The following USP26 variants were observed in gnomAD, a reference collection of about 807,000 sequenced individuals.
The protein encoded by USP26 is ubiquitin specific peptidase 26, also known as ubiquitin carboxyl-terminal hydrolase 26.
For synonymous variants in USP26, 236 were observed against 240.6 expected, an observed-to-expected ratio of 0.98 and a Z score of 0.18; for missense variants, 649 against 642.3, an observed-to-expected ratio of 1.01 and a Z score of -0.11.
intron 5 of USP26, among the ~76,000 whole-genome samples, chrX:133,082,340 T>C (rs755568401): frequency 1.8e-5 from 2 of 111,860 alleles, no homozygotes; most frequent in African/African-American, 3.3e-5. Flanking sequence ...ATCCAACCTC[T>C]GTAACACTTC....
At chrX:133,058,840 A>C (rs1232451678) in intron 5 of USP26, among the ~76,000 whole-genome samples, 2 of 110,455 alleles carry the variant, frequency 1.8e-5, no homozygotes, top group African/African-American at 3.3e-5. Context: ...ATAGAGTCTC[A>C]CTCTGTTGCC....
At chrX:133,056,542 T>C (rs1253737318) in intron 5 of USP26, among the ~76,000 whole-genome samples, 1 of 111,928 alleles carries the variant, frequency 8.9e-6, no homozygotes, top group Non-Finnish European at 1.9e-5. Context: ...GAATTCAGCA[T>C]TTGAAATTAC....
intron 5 of USP26, among the ~76,000 whole-genome samples, chrX:133,039,302 G>C (rs2067408417): frequency 9.0e-6 from 1 of 111,595 alleles, no homozygotes; most frequent in African/African-American, 3.3e-5. Context: ...TGGGCATTTC[G>C]TGCTATAAAT....
chrX:133,027,203 T>A lies in USP26; in HGVS notation c.1018A>T (p.Met340Leu). 2 of 1,209,461 alleles carry A rather than the reference T, an allele frequency of 1.7e-6. 1 individual carries two copies. The highest frequency in any genetic ancestry group is 3.5e-5 in the South Asian group (2 of 56,901). The stretch of plus-strand genomic sequence containing the variant: ...AAAAAAAGTAGCCGTGCCAAGCACA[T>A]GGTAAGAGCATTAAGGGGAATTTTA... ...WGKIPLNALTMCLARLLFFKD... is the reference protein window; with the variant it reads ...WGKIPLNALTLCLARLLFFKD... Residue 340 changes from methionine to leucine, a missense_variant, in exon 6 of 6, where the codon ATG becomes TTG. Transcript: ENST00000511190.
intron 5 of USP26, among the ~76,000 whole-genome samples, chrX:133,048,333 T>G (rs2067447186): frequency 8.9e-6 from 1 of 111,934 alleles, no homozygotes; most frequent in Non-Finnish European, 1.9e-5. Context: ...ATGACATGCA[T>G]AGTATAATTA....
At chrX:133,041,042 G>C (rs2067417236) in intron 5 of USP26, among the ~76,000 whole-genome samples, 1 of 109,715 alleles carries the variant, frequency 9.1e-6, no homozygotes, top group African/African-American at 3.3e-5. Context: ...AGCTCCATTG[G>C]GTAATTTATG....
intron 5 of USP26, among the ~76,000 whole-genome samples, chrX:133,060,186 T>C (rs1188332234): frequency 2.7e-5 from 3 of 111,447 alleles, no homozygotes; most frequent in African/African-American, 3.3e-5. Flanking sequence ...AGCCCTCTTC[T>C]GCTGTAGCAG....
At chrX:133,039,709 G>A (rs777530724) in intron 5 of USP26, among the ~76,000 whole-genome samples, 1 of 111,585 alleles carries the variant, frequency 9.0e-6, no homozygotes, top group Admixed American at 9.5e-5. Context: ...TATTAGGTCT[G>A]CTTGGTCCAG....
At chrX:133,072,126 C>T (rs2067532567) in intron 5 of USP26, among the ~76,000 whole-genome samples, 1 of 111,987 alleles carries the variant, frequency 8.9e-6, no homozygotes, top group African/African-American at 3.2e-5. Context: ...TGGCTATGTG[C>T]AAAGGCCTAT....
intron 5 of USP26, among the ~76,000 whole-genome samples, chrX:133,076,574 C>T (rs907089246): frequency 3.6e-5 from 4 of 111,952 alleles, no homozygotes. Flanking sequence ...GTAGAAAGGA[C>T]AGGATGTTGC....
At chrX:133,091,863 A>G (rs2067609164) in intron 1 of USP26, among the ~76,000 whole-genome samples, 1 of 111,626 alleles carries the variant, frequency 9.0e-6, no homozygotes, top group African/African-American at 3.3e-5. Flanking sequence ...CATCTTTTTC[A>G]CATTACAGAA....
chrX:133,093,980 C>CAA (rs11327414), intron 1 of USP26, among the ~76,000 whole-genome samples: 6 of 24,954 alleles, frequency 2.4e-4, no homozygotes, highest in Non-Finnish European at 3.2e-4. Flanking sequence ...GACCCTGTCT[C>CAA]AAAAAAAAAA....
chrX:133,035,747 A>G (rs1339392528), intron 5 of USP26, among the ~76,000 whole-genome samples: 2 of 112,254 alleles, frequency 1.8e-5, no homozygotes, highest in Non-Finnish European at 3.8e-5. Flanking sequence ...CCTTTTAAGC[A>G]AATATCCACA....
At chrX:133,030,147 C>A (rs1004203440) in intron 5 of USP26, among the ~76,000 whole-genome samples, 2 of 111,770 alleles carry the variant, frequency 1.8e-5, no homozygotes, top group Non-Finnish European at 3.8e-5. Flanking sequence ...TAGATGACAG[C>A]TGCATTCAAA....
At chrX:133,088,106 A>G (rs1304100085) in intron 4 of USP26, among the ~76,000 whole-genome samples, 1 of 111,577 alleles carries the variant, frequency 9.0e-6, no homozygotes, top group African/African-American at 3.3e-5. Context: ...GGAGTTCAAG[A>G]CTGCAGTGAA....
Position 133,027,583 on chromosome X carries a change from C to A in USP26, c.638G>T (p.Cys213Phe). 2.5e-6 allele frequency: 3 copies of A among 1,209,370 alleles called. No homozygotes were observed. The highest frequency in any genetic ancestry group is 3.4e-6 in the Non-Finnish European group (3 of 893,522). The change falls in exon 6 of 6, where the codon TGT (cysteine) becomes TTT (phenylalanine). Residue 213 changes from cysteine to phenylalanine, a missense_variant. Cys to Phe is a radical substitution (Grantham distance 205, BLOSUM62 -2). Transcript: ENST00000511190. Reference protein sequence around the residue: ...YKKSKADCSRCVSYNREKQLK... With the variant: ...YKKSKADCSRFVSYNREKQLK... ...TTGTTTCTCTCGATTATAGCTTACACACCTCGAACAATCTGCCTTGGATTT... is the reference window on the plus strand; with the variant it reads ...TTGTTTCTCTCGATTATAGCTTACAAACCTCGAACAATCTGCCTTGGATTT...
intron 1 of USP26, among the ~76,000 whole-genome samples, chrX:133,094,094 G>A (rs1427154951): frequency 9.3e-6 from 1 of 107,980 alleles, no homozygotes; most frequent in African/African-American, 3.4e-5. Context: ...CAAAAATCTT[G>A]TTTCTCAGTG....
intron 5 of USP26, among the ~76,000 whole-genome samples, chrX:133,049,402 C>T (rs2067451553): frequency 8.9e-6 from 1 of 112,144 alleles, no homozygotes; most frequent in African/African-American, 3.2e-5. Flanking sequence ...AGGGACTGAA[C>T]TCAGATCAGA....
chrX:133,031,743 C>A (rs1219514820), intron 5 of USP26, among the ~76,000 whole-genome samples: 1 of 111,888 alleles, frequency 8.9e-6, no homozygotes, highest in Non-Finnish European at 1.9e-5. Context: ...GAAAAAACCC[C>A]ACAAAATCCA....
Sources: allele counts gnomAD v4.1 joint callset (sites outside exome capture counted in the v4.1 genomes callset), GRCh38; gene constraint gnomAD v4.1.1; transcripts MANE v1.5; gene names NCBI Gene and HGNC (gene_info 2026-07-23, HGNC 2026-07-21).